Variants in ZNF521 observed in about 807,000 individuals in gnomAD.
The protein encoded by ZNF521 is zinc finger protein 521.
In ZNF521, 14 loss-of-function variants were observed where a neutral mutation model predicts 105.5. That is an observed-to-expected ratio of 0.13 (90% confidence interval 0.09 to 0.21). The LOEUF is 0.21. ZNF521 is among the 10% of genes least tolerant of loss of function. ZNF521 has a pLI of 1.00. For synonymous variants in ZNF521, 635 were observed against 606.0 expected (o/e 1.05, Z -0.70); for missense variants, 1,233 against 1,629.7 (o/e 0.76, Z 4.19).
intron 3 of ZNF521, among the ~76,000 whole-genome samples, chr18:25,245,770 T>C (rs1210297470): frequency 6.6e-6 from 1 of 152,138 alleles, no homozygotes; most frequent in Admixed American, 6.5e-5. Flanking sequence ...CTCAGCACTT[T>C]GGGAGGCTGA....
intron 3 of ZNF521, among the ~76,000 whole-genome samples, chr18:25,299,906 T>C (rs1911536699): frequency 6.6e-6 from 1 of 152,208 alleles, no homozygotes; most frequent in Admixed American, 6.5e-5. Context: ...ATAACTGCCA[T>C]CCCACGTGCT....
At chr18:25,145,454 C>A (rs539024757) in intron 5 of ZNF521, among the ~76,000 whole-genome samples, 1 of 152,074 alleles carries the variant, frequency 6.6e-6, no homozygotes, top group African/African-American at 2.4e-5. Flanking sequence ...ATGGCACAAC[C>A]ACCACCACCA....
chr18:25,183,455 A>G (rs1345010623), intron 5 of ZNF521, among the ~76,000 whole-genome samples: 4 of 152,132 alleles, frequency 2.6e-5, no homozygotes, highest in Admixed American at 6.6e-5. Context: ...AAATTGGTTG[A>G]GGTATTCAGT....
chr18:25,344,223 G>A (rs1914360601), intron 2 of ZNF521, among the ~76,000 whole-genome samples: 2 of 105,114 alleles, frequency 1.9e-5, no homozygotes, highest in South Asian at 2.7e-4. Flanking sequence ...AAAAAAAGCT[G>A]CGATTCTACT....
chr18:25,159,585 G>C (rs1019895165), intron 5 of ZNF521, among the ~76,000 whole-genome samples: 6 of 152,282 alleles, frequency 3.9e-5, no homozygotes, highest in African/African-American at 1.4e-4. Context: ...GGATGATGAG[G>C]GAAAGTCCTC....
chr18:25,301,614 A>G (rs191138989), intron 3 of ZNF521, among the ~76,000 whole-genome samples: 38 of 152,298 alleles, frequency 2.5e-4, no homozygotes, highest in Non-Finnish European at 2.9e-5. Flanking sequence ...ATCAGAGGAA[A>G]ATGATGCAGC....
intron 3 of ZNF521, among the ~76,000 whole-genome samples, chr18:25,292,089 T>C (rs1911064311): frequency 6.6e-6 from 1 of 152,214 alleles, no homozygotes; most frequent in Non-Finnish European, 1.5e-5. Context: ...GGTTATTGTC[T>C]TAAACTGCCA....
chr18:25,160,391 T>G (rs1567987997), intron 5 of ZNF521, among the ~76,000 whole-genome samples: 1 of 152,176 alleles, frequency 6.6e-6, no homozygotes, highest in Non-Finnish European at 1.5e-5. Flanking sequence ...TGTGGCCAAA[T>G]TCCACACTAC....
At chr18:25,075,209 T>C (rs1358901687) in intron 7 of ZNF521, among the ~76,000 whole-genome samples, 1 of 152,196 alleles carries the variant, frequency 6.6e-6, no homozygotes, top group Non-Finnish European at 1.5e-5. Context: ...GCACTTATTC[T>C]AATTTAAAGC....
intron 5 of ZNF521, among the ~76,000 whole-genome samples, chr18:25,099,123 G>T (rs976503772): frequency 1.3e-5 from 2 of 152,128 alleles, no homozygotes; most frequent in African/African-American, 4.8e-5. Context: ...TGTCTGTTTT[G>T]CTCATTGATG....
At chr18:25,175,238 G>A (rs1038094579) in intron 5 of ZNF521, among the ~76,000 whole-genome samples, 2 of 152,208 alleles carry the variant, frequency 1.3e-5, no homozygotes, top group Admixed American at 6.5e-5. Flanking sequence ...TACCTCCGAC[G>A]TATAAGTGGT....
At chr18:25,173,032 C>G (rs906289257) in intron 5 of ZNF521, among the ~76,000 whole-genome samples, 3 of 152,156 alleles carry the variant, frequency 2.0e-5, no homozygotes, top group African/African-American at 7.2e-5. Context: ...AAACTCTTGT[C>G]GCAAAGTATT....
chr18:25,285,307 T>C (rs1419576346), intron 3 of ZNF521, among the ~76,000 whole-genome samples: 1 of 152,172 alleles, frequency 6.6e-6, no homozygotes, highest in Non-Finnish European at 1.5e-5. Context: ...CAAGTTCAAA[T>C]TTCTGAAATG....
intron 3 of ZNF521, among the ~76,000 whole-genome samples, chr18:25,303,250 A>G (rs1380374925): frequency 6.6e-6 from 1 of 151,708 alleles, no homozygotes; most frequent in Non-Finnish European, 1.5e-5. Flanking sequence ...GTGAAAAAAA[A>G]AAGAAACTCT....
intron 3 of ZNF521, among the ~76,000 whole-genome samples, chr18:25,232,901 G>A (rs541883258): frequency 1.3e-5 from 2 of 152,138 alleles, no homozygotes; most frequent in African/African-American, 4.8e-5. Context: ...ACTTCTGCCA[G>A]CAGGCTATAG....
chr18:25,132,374 G>A (rs536868628), intron 5 of ZNF521, among the ~76,000 whole-genome samples: 2 of 152,114 alleles, frequency 1.3e-5, no homozygotes, highest in Non-Finnish European at 2.9e-5. Flanking sequence ...AATAAAACAT[G>A]AGCAACTGCA....
chr18:25,220,126 A>G (rs1468718442), intron 4 of ZNF521, among the ~76,000 whole-genome samples: 1 of 152,176 alleles, frequency 6.6e-6, no homozygotes, highest in Non-Finnish European at 1.5e-5. Flanking sequence ...GGGCTAGCAA[A>G]AGAAGGAGAG....
intron 5 of ZNF521, among the ~76,000 whole-genome samples, chr18:25,097,261 T>C (rs1475790544): frequency 6.6e-6 from 1 of 152,152 alleles, no homozygotes; most frequent in African/African-American, 2.4e-5. Context: ...CCACGATAAT[T>C]TGTTGTATTA....
chr18:25,314,200 A>G (rs911798251), intron 3 of ZNF521, among the ~76,000 whole-genome samples: 3 of 152,202 alleles, frequency 2.0e-5, no homozygotes, highest in Non-Finnish European at 2.9e-5. Context: ...AACAGCAAAA[A>G]AAAAGGTTCT....
Sources: allele counts gnomAD v4.1 joint callset (sites outside exome capture counted in the v4.1 genomes callset), GRCh38; gene constraint gnomAD v4.1.1; transcripts MANE v1.5; gene names NCBI Gene and HGNC (gene_info 2026-07-23, HGNC 2026-07-21).